ABL1: variants seen among roughly 807,000 people sequenced by gnomAD.
ABL1 encodes ABL proto-oncogene 1, non-receptor tyrosine kinase, also known as tyrosine-protein kinase ABL1.
Under a neutral mutation model 94.7 loss-of-function variants are expected in ABL1, and 11 were observed. The ratio of observed to expected loss-of-function variants is 0.12; its 90% CI spans 0.07 to 0.19. The LOEUF (loss-of-function observed/expected upper bound fraction) is 0.19, where lower values mean the gene tolerates loss of function less well. Ranked by LOEUF, ABL1 falls within the 10% of genes least tolerant of loss-of-function variation. ABL1 has a pLI of 1.00. For synonymous variants in ABL1, 656 were observed against 622.4 expected (o/e 1.05, Z -0.80); for missense variants, 1,082 against 1,489.4 (o/e 0.73, Z 4.50).
rs947288294 is a variant in ABL1, at chr9:130,862,080, G to A, written c.550-683G>A. Among the ~76,000 whole-genome samples the A allele has an allele frequency of 1.3e-5, 2 of 152,096 alleles. No individual in the cohort carries two copies. Among genetic ancestry groups the A allele is most frequent in the Non-Finnish European group, 2.9e-5 (2 of 68,018 alleles). ...TTCCTCGTGTTGGATGTGTTTAGTG[G>A]TTTTCATCTTCTGGTCACTATTTCA... On this transcript the variant is annotated intron_variant, in intron 3 of 10. Coordinates refer to ENST00000318560, the MANE Select transcript of ABL1 (RefSeq NM_005157.6). The surrounding 1 kb of genome is among the most constrained non-coding windows in gnomAD (Gnocchi z 5.5).
intron 1 of ABL1, among the ~76,000 whole-genome samples, chr9:130,795,094 A>G (rs17443584): frequency 0.058 from 8,865 of 152,182 alleles, 263 homozygotes; most frequent in South Asian, 0.1. Context: ...TGGCTGGCCT[A>G]GTTAGTGTTA....
At position 130,835,510 on chromosome 9, in the gene ABL1, A is replaced by C; in HGVS notation, c.64A>C (p.Ser22Arg). ...CAAGAAGGGGCTGTCCTCGTCCTCC[A>C]GCTGTTATCTGGAAGGTAAGCCCGG... ...KSKKGLSSSS[S>R]CYLEEALQRP... Residue 22 changes from serine to arginine, a missense_variant, in exon 1 of 11, where the codon AGC (serine) becomes CGC (arginine). Physicochemically the swap from Ser to Arg is moderately radical, Grantham distance 110 (BLOSUM62 -1). This residue lies in a region of ABL1 where 65 missense variants were observed against 80.8 expected (regional missense o/e 0.80). Coordinates refer to ENST00000318560, the MANE Select transcript of ABL1 (RefSeq NM_005157.6). The surrounding 1 kb of genome is among the most constrained non-coding windows in gnomAD (Gnocchi z 4.6). 1 of 1,558,994 alleles carries C rather than the reference A, an allele frequency of 6.4e-7. No homozygotes were observed. Among genetic ancestry groups the C allele is most frequent in the East Asian group, 2.3e-5 (1 of 42,554 alleles).
intron 1 of ABL1, among the ~76,000 whole-genome samples, chr9:130,740,819 ATTTT>A (rs34323373): frequency 7.2e-5 from 7 of 97,810 alleles, no homozygotes; most frequent in African/African-American, 2.9e-4. Context: ...CCACACCCAG[ATTTT>A]TTTTTTTTTT....
Position 130,854,667 on chromosome 9 carries a change from C to G in ABL1, c.254-134C>G, listed in dbSNP as rs1019790995. The G allele has an allele frequency of 2.2e-5, 21 of 945,206 alleles. No homozygotes were observed. The Admixed American group carries it at 5.1e-4, about 23-fold the overall frequency. The allele number at this position is 945,206 out of a possible 1,614,324, so 58.6% of individuals were successfully genotyped here. ...TTCTCATACACTTATAAATGCATAT[C>G]TTTATGTGGACTTGTTAAAATGAAA... On this transcript the variant is annotated intron_variant, in intron 2 of 10. Coordinates refer to ENST00000318560, the MANE Select transcript of ABL1 (RefSeq NM_005157.6).
chr9:130,765,813 A>G (rs942048853), intron 1 of ABL1, among the ~76,000 whole-genome samples: 2 of 152,158 alleles, frequency 1.3e-5, no homozygotes, highest in Non-Finnish European at 2.9e-5. Flanking sequence ...AATTTTGGAA[A>G]GTTACTGTGA....
intron 1 of ABL1, among the ~76,000 whole-genome samples, chr9:130,735,394 CAT>C (rs997726097): frequency 1.3e-5 from 2 of 151,956 alleles, no homozygotes; most frequent in Non-Finnish European, 2.9e-5. Context: ...ACAGAACAAA[CAT>C]GTATTTTCAG....
chr9:130,810,639 A>G (rs559243185), intron 1 of ABL1, among the ~76,000 whole-genome samples: 1 of 152,252 alleles, frequency 6.6e-6, no homozygotes, highest in East Asian at 1.9e-4. Flanking sequence ...CCCTGAAAAA[A>G]ATACATGAAC....
At chr9:130,735,895 ATATATGTGTGTG>A (rs1449855451) in intron 1 of ABL1, among the ~76,000 whole-genome samples, 1 of 98,730 alleles carries the variant, frequency 1.0e-5, no homozygotes, top group Non-Finnish European at 1.8e-5. Flanking sequence ...CTGTGTGTAT[ATATATGTGTGTG>A]TATATGTGTG....
chr9:130,856,526 T>G (rs1317742993), intron 3 of ABL1, among the ~76,000 whole-genome samples: 1 of 152,210 alleles, frequency 6.6e-6, no homozygotes, highest in Non-Finnish European at 1.5e-5. Flanking sequence ...CCAGCCTATA[T>G]TTTTTAAATA....
chr9:130,885,989 C>A lies in ABL1; in HGVS notation c.*306C>A. On this transcript the variant is annotated 3_prime_UTR_variant, in exon 11 of 11. Transcript: ENST00000318560. The stretch of plus-strand genomic sequence containing the variant: ...CCAGCCCCGCTCCCACCTAGTGCCC[C>A]AGACTGAGCTCTCCAGGCCAGGTGG... The A allele has an allele frequency of 2.4e-6, 1 of 410,060 alleles. No homozygotes were observed. The allele number at this position is 410,060 out of a possible 1,614,324, so 25.4% of individuals were successfully genotyped here.
chr9:130,713,215 G>C (rs1831392946), exon 1 of ABL1, among the ~76,000 whole-genome samples: 1 of 152,138 alleles, frequency 6.6e-6, no homozygotes. Flanking sequence ...TGAGGGCGGT[G>C]GTGGTGTCAG....
intron 10 of ABL1, among the ~76,000 whole-genome samples, chr9:130,881,380 T>C (rs1002064619): frequency 2.0e-5 from 3 of 152,088 alleles, no homozygotes; most frequent in Non-Finnish European, 4.4e-5. Context: ...CAAGACTGGG[T>C]AATTTATAAA....
Position 130,760,335 on chromosome 9 carries a change from C to G in ABL1, c.136+45880C>G, listed in dbSNP as rs556335393. 7.2e-5 allele frequency among the ~76,000 whole-genome samples: 11 copies of G among 152,208 alleles called. No homozygotes were observed. The South Asian group carries it at 1.9e-3, about 26-fold the overall frequency. On this transcript the variant is annotated intron_variant, in intron 1 of 10. Transcript: ENST00000372348. ...TGGGACACTGTTGGCCATTAGGATT[C>G]CTGTTCCTTTTGGGTTTGTAATAGA...
At chr9:130,871,158 T>C (rs1278314420) in intron 4 of ABL1, among the ~76,000 whole-genome samples, 1 of 152,218 alleles carries the variant, frequency 6.6e-6, no homozygotes, top group Non-Finnish European at 1.5e-5. Context: ...TTGGCCTTTG[T>C]AGCCAGGTTT....
chr9:130,883,898 G>A, intron 10 of ABL1, 71 bp from the exon 11 acceptor site: 1 of 1,520,900 alleles, frequency 6.6e-7, no homozygotes, highest in Non-Finnish European at 8.8e-7. Flanking sequence ...CTGCCTCCCG[G>A]GTTCAAGCGA....
chr9:130,799,154 A>T (rs1331051389), intron 1 of ABL1, among the ~76,000 whole-genome samples: 3 of 152,118 alleles, frequency 2.0e-5, no homozygotes, highest in African/African-American at 7.2e-5. Context: ...AGGTGCCATG[A>T]GAAAAGGAGG....
intron 1 of ABL1, among the ~76,000 whole-genome samples, chr9:130,735,263 C>T (rs111660302): frequency 0.016 from 2,463 of 152,252 alleles, 78 homozygotes; most frequent in African/African-American, 0.056. Context: ...CTCCTGACCT[C>T]AGGTGATCAG....
chr9:130,767,628 C>A (rs113487221), intron 1 of ABL1, among the ~76,000 whole-genome samples: 2 of 152,294 alleles, frequency 1.3e-5, no homozygotes, highest in African/African-American at 4.8e-5. Context: ...CCACTGTGCC[C>A]GGCCTGACCT....
rs374216043 is a variant in ABL1 at position 130,787,888 on chromosome 9, C to T, written c.137-66176C>T. ...CATTTCTCCTTGGAGGGATTTGTCA[C>T]TGATTAGAATTCAGTTCACCTGATG... On this transcript the variant is annotated intron_variant, in intron 1 of 10. Coordinates refer to the ABL1 transcript ENST00000372348. Among the ~76,000 whole-genome samples, 11 of 152,292 alleles carry T rather than the reference C, an allele frequency of 7.2e-5. No homozygotes were observed. The East Asian group carries it at 1.9e-3, about 27-fold the overall frequency.
Sources: gnomAD v4.1 joint callset for allele counts (sites outside exome capture counted in the v4.1 genomes callset) on GRCh38, gnomAD v4.1.1 for gene constraint, gnomAD v4.1.1 regional missense constraint, Gnocchi (gnomAD v3.1) non-coding constraint, MANE v1.5 for transcripts, NCBI Gene and HGNC (gene_info 2026-07-23, HGNC 2026-07-21) for gene names.